KIFC3: variants seen among roughly 807,000 people sequenced by gnomAD.
KIFC3 encodes kinesin family member C3.
A neutral mutation model predicts 101.8 loss-of-function variants in KIFC3; 60 were observed. The ratio of observed to expected loss-of-function variants is 0.59; its 90% CI spans 0.48 to 0.73. The LOEUF (loss-of-function observed/expected upper bound fraction) is 0.73, where lower values mean the gene tolerates loss of function less well. Among genes scored for constraint, KIFC3 ranks in the 30% least tolerant of loss-of-function variants. KIFC3 has a pLI of 0.00. For missense variants in KIFC3, 966 were observed against 1,137.1 expected (o/e 0.85, Z 2.16); for synonymous variants, 476 against 482.7 (o/e 0.99, Z 0.18).
intron 1 of KIFC3, among the ~76,000 whole-genome samples, chr16:57,799,742 G>C (rs561955908): frequency 6.6e-6 from 1 of 152,324 alleles, no homozygotes; most frequent in South Asian, 2.1e-4. Flanking sequence ...TCACTGCGGG[G>C]TGGAAAGCTG....
chr16:57,769,770 G>A lies in KIFC3; in HGVS notation c.1087+38C>T, dbSNP rs544559765. 22 of 1,612,512 alleles carry A rather than the reference G, an allele frequency of 1.4e-5. No individual in the cohort carries two copies. The highest frequency in any genetic ancestry group is 5.0e-5 in the Admixed American group (3 of 59,988). The stretch of plus-strand genomic sequence containing the variant: ...GTGAGGCGGGAGGGGATGAGGGGCC[G>A]CGGCGTGGGGCAGACAGGGCCCAGC... On this transcript the variant is annotated intron_variant, in intron 8 of 19. Coordinates refer to ENST00000445690, the MANE Select transcript of KIFC3 (RefSeq NM_001130100.2). This position sits in a 1 kb window ranked among gnomAD's most constrained non-coding sequence, Gnocchi z 4.3.
intron 11 of KIFC3, 103 bp downstream of exon 11, chr16:57,765,356 C>T: frequency 1.7e-6 from 2 of 1,169,370 alleles, no homozygotes; most frequent in East Asian, 2.6e-5. Context: ...ATTCCTGCAC[C>T]CCCCACTCTT....
chr16:57,781,151 G>A (rs1428425887), intron 3 of KIFC3, among the ~76,000 whole-genome samples: 1 of 152,128 alleles, frequency 6.6e-6, no homozygotes, highest in East Asian at 1.9e-4. Context: ...GACTCCGTCT[G>A]GACAGAAAAT....
intron 3 of KIFC3, chr16:57,774,687 TA>T: frequency 9.3e-6 from 3 of 323,028 alleles, no homozygotes; most frequent in Non-Finnish European, 1.6e-5. Context: ...CACGCCCGGC[TA>T]ATTTTTTTTT....
chr16:57,785,647 G>C, intron 3 of KIFC3: 1 of 1,251,778 alleles, frequency 8.0e-7, no homozygotes, highest in Non-Finnish European at 1.0e-6. Flanking sequence ...AGCACCTCCT[G>C]CTGCCAAAGA....
intron 1 of KIFC3, among the ~76,000 whole-genome samples, chr16:57,858,544 C>T (rs1457932882): frequency 6.6e-6 from 1 of 152,160 alleles, no homozygotes. Flanking sequence ...TTGTCTTTCT[C>T]TGGAGTTCTG....
chr16:57,861,178 G>A (rs1300076424), intron 1 of KIFC3, among the ~76,000 whole-genome samples: 2 of 152,154 alleles, frequency 1.3e-5, no homozygotes, highest in Non-Finnish European at 2.9e-5. Flanking sequence ...TATCTTTAAA[G>A]CAAAACCTAT....
chr16:57,767,878 G>A (rs1465374073), intron 9 of KIFC3, among the ~76,000 whole-genome samples: 3 of 152,112 alleles, frequency 2.0e-5, no homozygotes, highest in African/African-American at 4.8e-5. Context: ...GTCCCACTAT[G>A]TTGCCGAAGC....
intron 1 of KIFC3, among the ~76,000 whole-genome samples, chr16:57,823,808 T>C (rs1401639632): frequency 6.6e-6 from 1 of 150,968 alleles, no homozygotes; most frequent in African/African-American, 2.4e-5. Flanking sequence ...TGTGTGTTTT[T>C]AGTAGAGATG....
chr16:57,824,379 C>A (rs2055416636), intron 1 of KIFC3, among the ~76,000 whole-genome samples: 1 of 152,170 alleles, frequency 6.6e-6, no homozygotes. Context: ...ATGTTCACTG[C>A]AGAGAACAAG....
At chr16:57,816,804 C>A in intron 1 of KIFC3, 1 of 451,580 alleles carries the variant, frequency 2.2e-6, no homozygotes. Context: ...AAACCAAGAC[C>A]AGGGAACCCA....
intron 9 of KIFC3, among the ~76,000 whole-genome samples, chr16:57,768,511 A>T (rs369935777): frequency 6.7e-6 from 1 of 149,122 alleles, no homozygotes; most frequent in South Asian, 2.1e-4. Flanking sequence ...ATATATTCTC[A>T]CACACACACA....
chr16:57,850,647 T>G (rs1221736558), intron 1 of KIFC3, among the ~76,000 whole-genome samples: 1 of 151,668 alleles, frequency 6.6e-6, no homozygotes, highest in Non-Finnish European at 1.5e-5. Context: ...GGCTAATTTT[T>G]GTATTTTTAG....
chr16:57,861,091 C>A (rs567187669), intron 1 of KIFC3, among the ~76,000 whole-genome samples: 2 of 152,286 alleles, frequency 1.3e-5, no homozygotes, highest in South Asian at 2.1e-4. Flanking sequence ...GACTTTTGAT[C>A]AGCTTGTGAC....
At chr16:57,759,470 A>C in intron 18 of KIFC3, 1 of 577,974 alleles carries the variant, frequency 1.7e-6, no homozygotes, top group Non-Finnish European at 3.1e-6. Context: ...GGGTAGAGTC[A>C]GCACCCCCGG....
At chr16:57,787,211 G>A (rs1384841773) in intron 3 of KIFC3, among the ~76,000 whole-genome samples, 4 of 152,226 alleles carry the variant, frequency 2.6e-5, no homozygotes, top group Non-Finnish European at 5.9e-5. Flanking sequence ...CTGGACTCCT[G>A]GCCCAAGAGC....
At chr16:57,833,941 C>T (rs2055636041) in intron 1 of KIFC3, among the ~76,000 whole-genome samples, 2 of 139,756 alleles carry the variant, frequency 1.4e-5, no homozygotes, top group Non-Finnish European at 3.0e-5. Context: ...GATCTAGGCT[C>T]AAGTTCTGCC....
chr16:57,802,662 A>T, upstream of KIFC3: 1 of 926,306 alleles, frequency 1.1e-6, no homozygotes, highest in South Asian at 2.1e-5. The surrounding 1 kb of genome is among the most constrained non-coding windows in gnomAD (Gnocchi z 5.0). Flanking sequence ...TCCCACTCCC[A>T]CTCCCACTCC....
intron 1 of KIFC3, among the ~76,000 whole-genome samples, chr16:57,858,483 G>C: frequency 6.6e-6 from 1 of 152,086 alleles, no homozygotes; most frequent in African/African-American, 2.4e-5. Flanking sequence ...ACCATTTATA[G>C]AAAATTAAAG....
Sources: allele counts gnomAD v4.1 joint callset (sites outside exome capture counted in the v4.1 genomes callset), GRCh38; gene constraint gnomAD v4.1.1; non-coding constraint Gnocchi (gnomAD v3.1); transcripts MANE v1.5; gene names NCBI Gene and HGNC (gene_info 2026-07-23, HGNC 2026-07-21).